Variants in SREK1IP1 observed in about 807,000 individuals in gnomAD.
SREK1IP1 encodes the protein SREK1 interacting protein 1, also known as protein SREK1IP1.
SREK1IP1 carries 12 observed loss-of-function variants against 22.8 expected under a neutral mutation model. The ratio of observed to expected loss-of-function variants is 0.53; its 90% CI spans 0.34 to 0.85. The LOEUF (loss-of-function observed/expected upper bound fraction) is 0.85. Ranked by LOEUF, SREK1IP1 falls within the 40% of genes least tolerant of loss-of-function variation. The pLI is 0.02. For missense variants in SREK1IP1, 147 were observed against 171.8 expected (o/e 0.86, Z 0.81); for synonymous variants, 53 against 52.7 (o/e 1.01, Z -0.02).
At chr5:64,760,060 T>C (rs1275642357) in intron 1 of SREK1IP1, among the ~76,000 whole-genome samples, 2 of 152,328 alleles carry the variant, frequency 1.3e-5, no homozygotes, top group African/African-American at 2.4e-5. Flanking sequence ...TTGTTTTTAA[T>C]AGGGACAGAG....
intron 2 of SREK1IP1, among the ~76,000 whole-genome samples, chr5:64,747,714 G>C (rs1282462258): frequency 6.6e-6 from 1 of 151,934 alleles, no homozygotes; most frequent in Non-Finnish European, 1.5e-5. Context: ...GGATCACGAG[G>C]TCAGGAGATT....
At position 64,754,324 on chromosome 5, in the gene SREK1IP1, A is replaced by AT. The variant is rs747293993; in HGVS notation, c.51dup (p.Cys18MetfsTer10). The AT allele has an allele frequency of 1.9e-6, 3 of 1,613,908 alleles. No homozygotes were observed. The highest frequency in any genetic ancestry group is 2.2e-5 in the South Asian group (2 of 91,084). ...CTTTTAGAATACTTACGGTAGCCACATTTTTTACAGCCTGCTCTGACACTG... is the reference window on the plus strand; with the variant it reads ...CTTTTAGAATACTTACGGTAGCCACATTTTTTTACAGCCTGCTCTGACACTG... On this transcript the variant is annotated frameshift_variant, in exon 2 of 5. Transcript: ENST00000513458. LOFTEE classifies it high-confidence loss of function.
At chr5:64,727,549 A>ATTTTT (rs1269876433) in intron 4 of SREK1IP1, 1 of 119,042 alleles carries the variant, frequency 8.4e-6, no homozygotes, top group African/African-American at 4.8e-5. Flanking sequence ...ATATATATAT[A>ATTTTT]TATATTTTTT....
chr5:64,733,626 C>T (rs1742412911), intron 3 of SREK1IP1, among the ~76,000 whole-genome samples: 1 of 152,054 alleles, frequency 6.6e-6, no homozygotes, highest in African/African-American at 2.4e-5. Context: ...ATACAACTAC[C>T]ATAACAACCC....
chr5:64,727,543 A>G (rs1742293553), intron 4 of SREK1IP1: 1 of 123,366 alleles, frequency 8.1e-6, no homozygotes, highest in South Asian at 2.2e-4. Flanking sequence ...ATATATATAT[A>G]TATATATATA....
At position 64,755,721 on chromosome 5, in the gene SREK1IP1, T is replaced by TA. The variant is rs997315617; in HGVS notation, c.14-1360dup. 3.0e-3 allele frequency among the ~76,000 whole-genome samples: 441 copies of TA among 145,454 alleles called. 1 individual carries two copies. Among genetic ancestry groups the TA allele is most frequent in the Admixed American group, 4.9e-3 (72 of 14,590 alleles). On this transcript the variant is annotated intron_variant, in intron 1 of 4. Transcript: ENST00000513458. ...ATAAAAGTTGAAAAATAAAAGAAAG[T>TA]AAAAAAAAAAATCTAGTAAACAGTT... is the stretch of plus-strand genomic sequence containing the variant.
intron 3 of SREK1IP1, among the ~76,000 whole-genome samples, chr5:64,731,837 C>A (rs542619229): frequency 2.0e-5 from 3 of 152,058 alleles, no homozygotes; most frequent in Non-Finnish European, 2.9e-5. Flanking sequence ...ATTTTTAATG[C>A]CTTCCAGCTC....
intron 2 of SREK1IP1, among the ~76,000 whole-genome samples, chr5:64,748,788 C>T (rs1742687110): frequency 6.6e-6 from 1 of 152,148 alleles, no homozygotes. Flanking sequence ...AAGCAATTTG[C>T]CTAATGTCAC....
intron 4 of SREK1IP1, among the ~76,000 whole-genome samples, chr5:64,726,575 CAAAAAAA>C (rs1267636357): frequency 3.7e-5 from 2 of 54,714 alleles, no homozygotes; most frequent in Non-Finnish European, 7.4e-5. Context: ...GACTCTGTCT[CAAAAAAA>C]AAAAAAAAAA....
In SREK1IP1 at chr5:64,754,365, G is replaced by T; in HGVS notation, c.14-3C>A. On this transcript the variant is annotated splice_region_variant and splice_polypyrimidine_tract_variant and intron_variant, in intron 1 of 4. Transcript: ENST00000513458. ...TCTGACACTGTCCTTGTTGCAACCTGAAATACAATTGGATAGAATTTTAGG... is the reference window on the plus strand; with the variant it reads ...TCTGACACTGTCCTTGTTGCAACCTTAAATACAATTGGATAGAATTTTAGG... 6.2e-7 allele frequency: 1 copy of T among 1,613,176 alleles called. No homozygotes were observed. Among genetic ancestry groups the T allele is most frequent in the Non-Finnish European group, 8.5e-7 (1 of 1,179,328 alleles).
At chr5:64,765,633 G>C (rs527721453) in intron 1 of SREK1IP1, among the ~76,000 whole-genome samples, 7 of 151,988 alleles carry the variant, frequency 4.6e-5, no homozygotes, top group African/African-American at 1.7e-4. Context: ...ATTATTGCTG[G>C]GTTTAAACAG....
chr5:64,736,464 A>ATTT (rs1215824112), intron 3 of SREK1IP1, among the ~76,000 whole-genome samples: 1 of 144,602 alleles, frequency 6.9e-6, no homozygotes, highest in African/African-American at 2.5e-5. Flanking sequence ...AACACTTAGA[A>ATTT]TTTTTTTTTT....
intron 1 of SREK1IP1, among the ~76,000 whole-genome samples, chr5:64,755,843 G>GTA (rs1482460478): frequency 2.0e-5 from 3 of 151,430 alleles, no homozygotes; most frequent in Non-Finnish European, 2.9e-5. Context: ...ATATATATAT[G>GTA]TATATATATA....
intron 4 of SREK1IP1, 62 bp from the exon 5 acceptor site, chr5:64,724,635 G>T: frequency 7.7e-7 from 1 of 1,306,788 alleles, no homozygotes; most frequent in South Asian, 2.0e-5. Flanking sequence ...AAATTTAAGT[G>T]GGATTTGAAC....
chr5:64,754,243 C>T lies in SREK1IP1; in HGVS notation c.61+72G>A, dbSNP rs1312534652. ...CTGGGCCCCTGAAATCAGGGTGCTA[C>T]ATTATATTGCCCAAAGAGGCCATGA... On this transcript the variant is annotated intron_variant, in intron 2 of 4. Transcript: ENST00000513458. The T allele has an allele frequency of 2.4e-5, 35 of 1,455,104 alleles. No individual in the cohort carries two copies. The East Asian group carries it at 7.7e-4, about 32-fold the overall frequency. The allele number at this position is 1,455,104 out of a possible 1,614,324, so 90.1% of individuals were successfully genotyped here.
At chr5:64,724,775 T>C (rs1243985655) in intron 4 of SREK1IP1, among the ~76,000 whole-genome samples, 2 of 152,156 alleles carry the variant, frequency 1.3e-5, no homozygotes, top group South Asian at 2.1e-4. Flanking sequence ...CCAACAAAAC[T>C]AGTATCTATT....
In SREK1IP1 at chr5:64,766,892, A is replaced by T. The variant is rs1467375635; in HGVS notation, c.13+1613T>A. Among the ~76,000 whole-genome samples, 2 of 152,248 alleles carry T rather than the reference A, an allele frequency of 1.3e-5. 1 individual carries two copies. Among genetic ancestry groups the T allele is most frequent in the East Asian group, 3.8e-4 (2 of 5,198 alleles). On this transcript the variant is annotated intron_variant, in intron 1 of 4. Coordinates refer to ENST00000513458, the MANE Select transcript of SREK1IP1 (RefSeq NM_173829.4). ...CAATGTTTGATATAGTATCTGACATATTTGACTTATAAATATTAGTCAATA... is the reference window on the plus strand; with the variant it reads ...CAATGTTTGATATAGTATCTGACATTTTTGACTTATAAATATTAGTCAATA...
At chr5:64,747,102 C>T (rs545524281) in intron 2 of SREK1IP1, among the ~76,000 whole-genome samples, 4 of 152,170 alleles carry the variant, frequency 2.6e-5, no homozygotes, top group Non-Finnish European at 4.4e-5. Context: ...GTGCCACAAT[C>T]GTGGCACTTC....
intron 2 of SREK1IP1, among the ~76,000 whole-genome samples, chr5:64,749,901 T>C (rs1304565343): frequency 6.6e-6 from 1 of 152,228 alleles, no homozygotes; most frequent in Non-Finnish European, 1.5e-5. Context: ...ATTTGGCTCT[T>C]CCTTGAGGGC....
Sources: allele counts gnomAD v4.1 joint callset (sites outside exome capture counted in the v4.1 genomes callset), GRCh38; gene constraint gnomAD v4.1.1; transcripts MANE v1.5; gene names NCBI Gene and HGNC (gene_info 2026-07-23, HGNC 2026-07-21).